The following OTUD7A variants were observed in gnomAD, a reference collection of about 807,000 sequenced individuals.
The protein encoded by OTUD7A is OTU deubiquitinase 7A.
OTUD7A carries 12 observed loss-of-function variants against 65.7 expected under a neutral mutation model. The ratio of observed to expected loss-of-function variants is 0.18; its 90% CI spans 0.12 to 0.30. The LOEUF (loss-of-function observed/expected upper bound fraction) is 0.30, where lower values mean the gene tolerates loss of function less well. Ranked by LOEUF, OTUD7A falls within the 10% of genes least tolerant of loss-of-function variation. OTUD7A has a pLI of 1.00. For missense variants in OTUD7A, 1,148 were observed against 1,304.8 expected, an observed-to-expected ratio of 0.88 and a Z score of 1.85; for synonymous variants, 641 against 586.3, an observed-to-expected ratio of 1.09 and a Z score of -1.35.
chr15:31,507,507 G>A (rs57491435), intron 8 of OTUD7A, among the ~76,000 whole-genome samples: 33,127 of 152,060 alleles, frequency 0.22, 4,874 homozygotes, highest in African/African-American at 0.43. Context: ...ATGAAGTCGC[G>A]TGTTACACCT....
At chr15:31,497,511 A>G (rs1341034377) in intron 10 of OTUD7A, among the ~76,000 whole-genome samples, 1 of 152,124 alleles carries the variant, frequency 6.6e-6, no homozygotes, top group Non-Finnish European at 1.5e-5. Flanking sequence ...CGGCCTCCCA[A>G]AGTGCTGAGA....
At position 31,483,326 on chromosome 15, in the gene OTUD7A, G is replaced by C; in HGVS notation, c.2770C>G (p.Arg924Gly). 8.3e-7 allele frequency: 1 copy of C among 1,210,464 alleles called. No homozygotes were observed. The highest frequency in any genetic ancestry group is 1.0e-6 in the Non-Finnish European group (1 of 971,064). The allele number at this position is 1,210,464 out of a possible 1,614,324, so 75.0% of individuals were successfully genotyped here. Residue 924 changes from arginine to glycine, a missense_variant, in exon 13 of 13, where the codon CGG becomes GGG. Physicochemically the swap from Arg to Gly is moderately radical, Grantham distance 125 (BLOSUM62 -2). This residue lies in a region of OTUD7A where 842 missense variants were observed against 769.5 expected (regional missense o/e 1.09). Coordinates refer to ENST00000307050, the MANE Select transcript of OTUD7A (RefSeq NM_001382637.1). ...CSYCYREELR[R>G]RREARGARP ...CGGGCCCCGCGCGCCTCGCGCCGCC[G>C]CCGCAGCTCCTCGCGGTAGCAGTAG... is the stretch of plus-strand genomic sequence containing the variant.
intron 5 of OTUD7A, among the ~76,000 whole-genome samples, chr15:31,554,606 T>C (rs547463527): frequency 6.6e-5 from 10 of 152,280 alleles, no homozygotes; most frequent in Non-Finnish European, 1.5e-4. Flanking sequence ...TTTTTCAACA[T>C]GCGTTTCCAT....
At chr15:31,771,079 G>A (rs1476886450) in intron 1 of OTUD7A, among the ~76,000 whole-genome samples, 1 of 152,100 alleles carries the variant, frequency 6.6e-6, no homozygotes, top group African/African-American at 2.4e-5. Flanking sequence ...ACAAATTAAA[G>A]GCATACATAT....
intron 10 of OTUD7A, among the ~76,000 whole-genome samples, chr15:31,492,970 C>T (rs762680292): frequency 2.6e-5 from 4 of 152,066 alleles, no homozygotes; most frequent in Non-Finnish European, 5.9e-5. Context: ...CTTTGGGAGG[C>T]TGAGATGGGT....
intron 1 of OTUD7A, among the ~76,000 whole-genome samples, chr15:31,790,375 G>A (rs181881238): frequency 6.6e-6 from 1 of 152,346 alleles, no homozygotes; most frequent in Non-Finnish European, 1.5e-5. Context: ...CTGCCCTGAT[G>A]TAGCTAAAAA....
At chr15:31,845,814 C>T (rs1227639938) in intron 1 of OTUD7A, among the ~76,000 whole-genome samples, 1 of 152,246 alleles carries the variant, frequency 6.6e-6, no homozygotes, top group Non-Finnish European at 1.5e-5. Context: ...GAGCACAAAG[C>T]GCTTGGAGTG....
At chr15:31,782,927 G>C (rs1389328980) in intron 1 of OTUD7A, among the ~76,000 whole-genome samples, 1 of 152,136 alleles carries the variant, frequency 6.6e-6, no homozygotes, top group Non-Finnish European at 1.5e-5. Flanking sequence ...TTCTGAGCTG[G>C]AGGTGTAGCT....
intron 1 of OTUD7A, among the ~76,000 whole-genome samples, chr15:31,666,514 G>T (rs1490126260): frequency 6.6e-6 from 1 of 151,978 alleles, no homozygotes; most frequent in Non-Finnish European, 1.5e-5. Flanking sequence ...AGGTTATTTA[G>T]ATTTTCTCTC....
chr15:31,818,474 C>T (rs149458991), intron 1 of OTUD7A, among the ~76,000 whole-genome samples: 59 of 152,228 alleles, frequency 3.9e-4, no homozygotes, highest in African/African-American at 1.4e-3. Flanking sequence ...GTCTGGCTTC[C>T]CTGCTTCCAG....
chr15:31,569,899 C>A, intron 4 of OTUD7A, 119 bp downstream of exon 4: 2 of 1,061,328 alleles, frequency 1.9e-6, no homozygotes, highest in East Asian at 5.0e-5. Flanking sequence ...CACTGAGAGG[C>A]CAATATGTCT....
chr15:31,611,108 G>A (rs1189889840), intron 3 of OTUD7A, among the ~76,000 whole-genome samples: 2 of 152,080 alleles, frequency 1.3e-5, no homozygotes, highest in African/African-American at 2.4e-5. Flanking sequence ...CAAGCTGAAT[G>A]ACAATAACGA....
intron 3 of OTUD7A, among the ~76,000 whole-genome samples, chr15:31,647,243 C>T (rs1483553809): frequency 1.3e-5 from 2 of 152,176 alleles, no homozygotes; most frequent in Admixed American, 1.3e-4. Flanking sequence ...CCCTAGACCA[C>T]CTTTTTGTTC....
chr15:31,848,440 CT>C (rs1336460426), intron 1 of OTUD7A, among the ~76,000 whole-genome samples: 5 of 151,062 alleles, frequency 3.3e-5, no homozygotes, highest in Non-Finnish European at 7.4e-5. Context: ...AAAAACTGTG[CT>C]TTTTATTTTT....
At chr15:31,762,245 T>C (rs28712170) in intron 1 of OTUD7A, among the ~76,000 whole-genome samples, 19,541 of 152,222 alleles carry the variant, frequency 0.13, 1,596 homozygotes, top group East Asian at 0.22. Flanking sequence ...CTTCCAGGCA[T>C]GTTCCTAAAA....
At chr15:31,756,659 C>T (rs1400640618) in intron 1 of OTUD7A, among the ~76,000 whole-genome samples, 4 of 151,438 alleles carry the variant, frequency 2.6e-5, no homozygotes, top group African/African-American at 7.3e-5. Flanking sequence ...CACACACACA[C>T]ACACACACAC....
intron 1 of OTUD7A, among the ~76,000 whole-genome samples, chr15:31,757,758 G>T (rs2064592088): frequency 6.6e-6 from 1 of 152,098 alleles, no homozygotes; most frequent in African/African-American, 2.4e-5. Context: ...AGTTTATATG[G>T]TAAATTAGAA....
chr15:31,625,078 G>A (rs964849944), intron 3 of OTUD7A, among the ~76,000 whole-genome samples: 3 of 152,224 alleles, frequency 2.0e-5, no homozygotes, highest in African/African-American at 7.2e-5. Flanking sequence ...CTCACTCTGA[G>A]GGAAGTCAAC....
At chr15:31,844,383 G>A (rs1489103729) in intron 1 of OTUD7A, among the ~76,000 whole-genome samples, 1 of 152,248 alleles carries the variant, frequency 6.6e-6, no homozygotes, top group Non-Finnish European at 1.5e-5. Flanking sequence ...TGTAATCCCA[G>A]CTACTCAGGA....
Sources: gnomAD v4.1 joint callset for allele counts (sites outside exome capture counted in the v4.1 genomes callset) on GRCh38, gnomAD v4.1.1 for gene constraint, gnomAD v4.1.1 regional missense constraint, MANE v1.5 for transcripts, NCBI Gene and HGNC (gene_info 2026-07-23, HGNC 2026-07-21) for gene names.